NAALADL2: variants seen among roughly 807,000 people sequenced by gnomAD.
The protein encoded by NAALADL2 is N-acetylated alpha-linked acidic dipeptidase like 2, also known as inactive N-acetylated-alpha-linked acidic dipeptidase-like protein 2.
Under a neutral mutation model 87.2 loss-of-function variants are expected in NAALADL2, and 76 were observed. The observed-to-expected ratio is 0.87, with a 90% CI of 0.72 to 1.05. NAALADL2 has a LOEUF of 1.05. NAALADL2 is among the 50% of genes least tolerant of loss of function. The pLI, the probability that NAALADL2 is intolerant of heterozygous loss-of-function variation, is 0.00. For synonymous variants in NAALADL2, 354 were observed against 331.0 expected (o/e 1.07, Z -0.75); for missense variants, 1,089 against 945.8 (o/e 1.15, Z -1.99).
chr3:175,296,591 T>C (rs867344320), intron 4 of NAALADL2, among the ~76,000 whole-genome samples: 6 of 152,150 alleles, frequency 3.9e-5, no homozygotes, highest in African/African-American at 7.2e-5. Context: ...TCCACCCTCC[T>C]TTTGGGAGAT....
chr3:175,191,601 A>G (rs1335950557), intron 2 of NAALADL2, among the ~76,000 whole-genome samples: 1 of 152,222 alleles, frequency 6.6e-6, no homozygotes, highest in African/African-American at 2.4e-5. Flanking sequence ...TGATGGAAGC[A>G]GAGAGAAGAG....
intron 9 of NAALADL2, among the ~76,000 whole-genome samples, chr3:175,574,458 G>A (rs778948221): frequency 2.0e-5 from 3 of 152,086 alleles, no homozygotes; most frequent in Admixed American, 6.5e-5. Context: ...AGAACTCTCT[G>A]TCAAACTTTT....
intron 5 of NAALADL2, among the ~76,000 whole-genome samples, chr3:175,326,720 A>G (rs1165567048): frequency 1.3e-5 from 2 of 152,222 alleles, no homozygotes; most frequent in Admixed American, 1.3e-4. Flanking sequence ...ATGGTAAGAG[A>G]GCATCCATGA....
chr3:174,725,322 G>T (rs953867207), intron 2 of NAALADL2, among the ~76,000 whole-genome samples: 2 of 150,932 alleles, frequency 1.3e-5, no homozygotes, highest in African/African-American at 4.9e-5. Flanking sequence ...TAAAAACATG[G>T]TTTTTTAAAC....
At chr3:175,307,582 T>A (rs1757873832) in intron 4 of NAALADL2, among the ~76,000 whole-genome samples, 1 of 152,156 alleles carries the variant, frequency 6.6e-6, no homozygotes. Context: ...ACTGTAAGCA[T>A]TTTTTGTCTT....
chr3:175,162,488 A>G (rs951615529), intron 2 of NAALADL2, among the ~76,000 whole-genome samples: 2 of 152,156 alleles, frequency 1.3e-5, no homozygotes, highest in Non-Finnish European at 2.9e-5. Flanking sequence ...TTTATGAAAA[A>G]ATACCAGAAG....
Position 175,718,107 on chromosome 3 carries a change from G to A in NAALADL2, c.1897-19199G>A, listed in dbSNP as rs949829151. 5 of 783,730 alleles carry A rather than the reference G, an allele frequency of 6.4e-6. No homozygotes were observed. The Admixed American group carries it at 1.3e-4, about 21-fold the overall frequency. The allele number at this position is 783,730 out of a possible 1,614,324, so 48.5% of individuals were successfully genotyped here. On this transcript the variant is annotated intron_variant, in intron 11 of 13. Transcript: ENST00000454872. ...ATGGGAGCTTCCTTTCCAGTACTTT[G>A]AGGTCTACAAGACGTATCTAGAAAA...
intron 1 of NAALADL2, among the ~76,000 whole-genome samples, chr3:174,449,564 A>G (rs143398071): frequency 2.0e-5 from 3 of 152,326 alleles, no homozygotes; most frequent in African/African-American, 4.8e-5. Flanking sequence ...TTAGTCTCAT[A>G]TATTACATAA....
chr3:175,197,039 T>G (rs1739121113), intron 2 of NAALADL2, among the ~76,000 whole-genome samples: 1 of 151,976 alleles, frequency 6.6e-6, no homozygotes, highest in African/African-American at 2.4e-5. Flanking sequence ...TACTGCAATA[T>G]GCAATTTGCT....
chr3:175,037,718 T>C (rs1178878849), intron 1 of NAALADL2, among the ~76,000 whole-genome samples: 1 of 152,074 alleles, frequency 6.6e-6, no homozygotes, highest in Non-Finnish European at 1.5e-5. Flanking sequence ...TTTTCCTAGG[T>C]AGATCATTTC....
At chr3:175,509,845 C>A (rs12488790) in intron 9 of NAALADL2, among the ~76,000 whole-genome samples, 7,653 of 129,924 alleles carry the variant, frequency 0.059, 480 homozygotes, top group African/African-American at 0.19. Context: ...TCTTTTTTTT[C>A]TTATTTTATT....
chr3:175,802,893 A>G, intron 13 of NAALADL2, 112 bp from the exon 14 acceptor site: 1 of 685,108 alleles, frequency 1.5e-6, no homozygotes, highest in Non-Finnish European at 2.4e-6. Context: ...ATATTTTTAT[A>G]ATTTATTCAT....
chr3:174,868,204 G>A (rs1333841369), intron 1 of NAALADL2, among the ~76,000 whole-genome samples: 1 of 152,046 alleles, frequency 6.6e-6, no homozygotes, highest in Non-Finnish European at 1.5e-5. Flanking sequence ...TGGATAAATT[G>A]CATTTGTGAT....
chr3:175,390,987 T>A (rs1430625191), intron 5 of NAALADL2, among the ~76,000 whole-genome samples: 1 of 152,140 alleles, frequency 6.6e-6, no homozygotes, highest in Non-Finnish European at 1.5e-5. Context: ...TATGTCCCAA[T>A]GAGGCCTATT....
chr3:174,546,953 A>G lies in NAALADL2; in HGVS notation c.-183-3616A>G, dbSNP rs115422403. On this transcript the variant is annotated intron_variant, in intron 1 of 3. Coordinates refer to the NAALADL2 transcript ENST00000434257. ...CTTCATGTGTAGTACTTTTTTTGAA[A>G]TTTCCCAGTTCTTATTTTAGTTGGA... 1.1e-3 allele frequency among the ~76,000 whole-genome samples: 164 copies of G among 152,052 alleles called. 1 individual carries two copies. Among genetic ancestry groups the G allele is most frequent in the African/African-American group, 3.7e-3 (155 of 41,468 alleles).
At chr3:175,542,479 A>G (rs1353292484) in intron 9 of NAALADL2, among the ~76,000 whole-genome samples, 1 of 152,246 alleles carries the variant, frequency 6.6e-6, no homozygotes, top group Non-Finnish European at 1.5e-5. Flanking sequence ...GTAGGAAAAG[A>G]CAGCCCTCCA....
chr3:175,572,040 G>A (rs551936981), intron 9 of NAALADL2, among the ~76,000 whole-genome samples: 94 of 152,210 alleles, frequency 6.2e-4, no homozygotes, highest in African/African-American at 2.2e-3. Context: ...TGTGGAGTGG[G>A]GATGGGGTGG....
intron 9 of NAALADL2, among the ~76,000 whole-genome samples, chr3:175,551,307 G>A (rs1452488614): frequency 1.3e-5 from 2 of 152,138 alleles, no homozygotes; most frequent in Non-Finnish European, 2.9e-5. Flanking sequence ...CTTTCAGAGA[G>A]TGTCGGTGTT....
chr3:175,371,162 T>A (rs78499798), intron 5 of NAALADL2, among the ~76,000 whole-genome samples: 15,888 of 152,238 alleles, frequency 0.1, 988 homozygotes, highest in South Asian at 0.14. Flanking sequence ...ACTTTTTTTT[T>A]ATATTTAGCT....
Sources: allele counts gnomAD v4.1 joint callset (sites outside exome capture counted in the v4.1 genomes callset), GRCh38; gene constraint gnomAD v4.1.1; transcripts MANE v1.5; gene names NCBI Gene and HGNC (gene_info 2026-07-23, HGNC 2026-07-21).